GABRB3: variants seen among roughly 807,000 people sequenced by gnomAD.
GABRB3 encodes the protein gamma-aminobutyric acid type A receptor subunit beta3, also known as gamma-aminobutyric acid receptor subunit beta-3.
GABRB3 carries 14 observed loss-of-function variants against 52.1 expected under a neutral mutation model. The ratio of observed to expected loss-of-function variants is 0.27; its 90% CI spans 0.18 to 0.42. The LOEUF is 0.42. Ranked by LOEUF, GABRB3 falls within the 10% of genes least tolerant of loss-of-function variation. The pLI is 1.00. For missense variants in GABRB3, 307 were observed against 609.1 expected (o/e 0.50, Z 5.22); for synonymous variants, 260 against 232.3 (o/e 1.12, Z -1.08).
Position 26,568,513 on chromosome 15 carries a change from T to C in GABRB3, c.683-780A>G, listed in dbSNP as rs1890266881. On this transcript the variant is annotated intron_variant, in intron 6 of 8. Coordinates refer to ENST00000311550, the MANE Select transcript of GABRB3 (RefSeq NM_000814.6). Reference sequence around the variant, plus strand: ...TTGTTTTCCTTTCTTTTTTTTTTTTTTTGAGATGGAGTCTCGCTCTGTCAC... The same window carrying C: ...TTGTTTTCCTTTCTTTTTTTTTTTTCTTGAGATGGAGTCTCGCTCTGTCAC... Among the ~76,000 whole-genome samples, 5 of 143,336 alleles carry C rather than the reference T, an allele frequency of 3.5e-5. No individual in the cohort carries two copies. The South Asian group carries it at 1.1e-3, about 33-fold the overall frequency. 94.0% of individuals were successfully genotyped at this position (143,336 alleles called of 152,430 possible). A position where few individuals can be genotyped will look rare whatever the true frequency, so the allele number is the denominator to read the frequency against.
intron 4 of GABRB3, among the ~76,000 whole-genome samples, chr15:26,603,969 G>A (rs572800139): frequency 6.6e-6 from 1 of 152,062 alleles, no homozygotes; most frequent in African/African-American, 2.4e-5. Context: ...AATTAGAAAG[G>A]AAGAAGTCAA....
At chr15:26,648,468 G>C (rs2140584552) in intron 3 of GABRB3, among the ~76,000 whole-genome samples, 1 of 152,312 alleles carries the variant, frequency 6.6e-6, no homozygotes, top group African/African-American at 2.4e-5. Context: ...AATAAGTGGA[G>C]GTTTTGGCAT....
At chr15:26,770,471 T>C (rs1157161141) in intron 3 of GABRB3, among the ~76,000 whole-genome samples, 7 of 152,242 alleles carry the variant, frequency 4.6e-5, no homozygotes, top group South Asian at 2.1e-4. Flanking sequence ...CTTCAAATCA[T>C]AGACTACAAA....
intron 3 of GABRB3, among the ~76,000 whole-genome samples, chr15:26,696,910 A>G (rs921987676): frequency 2.0e-4 from 31 of 152,328 alleles, no homozygotes; most frequent in African/African-American, 7.0e-4. Flanking sequence ...ACATTGCAAT[A>G]TTGCACCCCG....
At chr15:26,663,243 G>A (rs897568584) in intron 3 of GABRB3, among the ~76,000 whole-genome samples, 8 of 152,130 alleles carry the variant, frequency 5.3e-5, no homozygotes, top group Non-Finnish European at 8.8e-5. Context: ...AATGACTGAC[G>A]TATTCAACTT....
At chr15:26,756,279 T>C (rs1235473834) in intron 3 of GABRB3, among the ~76,000 whole-genome samples, 2 of 151,626 alleles carry the variant, frequency 1.3e-5, no homozygotes, top group African/African-American at 2.4e-5. Flanking sequence ...AATTTAAATA[T>C]ACAGAACAGG....
intron 4 of GABRB3, among the ~76,000 whole-genome samples, chr15:26,616,275 A>C (rs1892253467): frequency 6.6e-6 from 1 of 152,204 alleles, no homozygotes; most frequent in African/African-American, 2.4e-5. Flanking sequence ...ATGGTACTGA[A>C]GTTTATATAG....
At chr15:26,568,837 G>A (rs1276689003) in intron 6 of GABRB3, among the ~76,000 whole-genome samples, 4 of 151,964 alleles carry the variant, frequency 2.6e-5, no homozygotes, top group African/African-American at 9.7e-5. Flanking sequence ...CTTAGAGCAA[G>A]GCAAGTGTGG....
intron 5 of GABRB3, among the ~76,000 whole-genome samples, chr15:26,581,729 C>T (rs1020925067): frequency 1.3e-5 from 2 of 152,180 alleles, no homozygotes; most frequent in African/African-American, 4.8e-5. Context: ...TGCATCTTGG[C>T]TGAAATAAAA....
chr15:26,640,470 T>C (rs1465531631), intron 3 of GABRB3, among the ~76,000 whole-genome samples: 1 of 151,836 alleles, frequency 6.6e-6, no homozygotes, highest in East Asian at 1.9e-4. Context: ...TGAGCCGAGA[T>C]CACGCCACTG....
At chr15:26,598,917 G>A (rs1891488444) in intron 4 of GABRB3, among the ~76,000 whole-genome samples, 1 of 152,164 alleles carries the variant, frequency 6.6e-6, no homozygotes, top group South Asian at 2.1e-4. Context: ...GAAACAGAGT[G>A]GGAAGTTTAA....
At chr15:26,681,181 G>T (rs1480808410) in intron 3 of GABRB3, among the ~76,000 whole-genome samples, 4 of 152,056 alleles carry the variant, frequency 2.6e-5, no homozygotes, top group Admixed American at 2.6e-4. Context: ...ATTAGAAATG[G>T]ATGCGATCAT....
intron 4 of GABRB3, among the ~76,000 whole-genome samples, chr15:26,610,112 T>C (rs12900150): frequency 0.49 from 74,877 of 152,078 alleles, 19,569 homozygotes; most frequent in Non-Finnish European, 0.59. Context: ...TGTTGACCAA[T>C]TCCTCTTCCT....
chr15:26,734,023 C>CTTT (rs61468831), intron 3 of GABRB3, among the ~76,000 whole-genome samples: 56 of 73,378 alleles, frequency 7.6e-4, no homozygotes, highest in Non-Finnish European at 9.4e-4. Flanking sequence ...AACTATAGGG[C>CTTT]TTTTTTTTTT....
intron 3 of GABRB3, among the ~76,000 whole-genome samples, chr15:26,670,585 C>T (rs566289187): frequency 9.3e-4 from 141 of 152,294 alleles, no homozygotes; most frequent in African/African-American, 3.3e-3. Flanking sequence ...GAGCCCGCTC[C>T]GGCCGGGCTT....
chr15:26,748,564 G>C (rs941053675), intron 3 of GABRB3, among the ~76,000 whole-genome samples: 4 of 152,098 alleles, frequency 2.6e-5, no homozygotes, highest in Non-Finnish European at 4.4e-5. Context: ...GATAGCTTCT[G>C]TTTCATTCCT....
intron 3 of GABRB3, among the ~76,000 whole-genome samples, chr15:26,710,650 C>T (rs903787838): frequency 1.3e-5 from 2 of 152,170 alleles, no homozygotes; most frequent in African/African-American, 4.8e-5. Flanking sequence ...AGAGTGTCTA[C>T]CATTTTATAT....
Position 26,567,630 on chromosome 15 carries a change from C to G in GABRB3, c.786G>C (p.Trp262Cys). 6.2e-7 allele frequency: 1 copy of G among 1,614,060 alleles called. No homozygotes were observed. Among genetic ancestry groups the G allele is most frequent in the Non-Finnish European group, 8.5e-7 (1 of 1,180,012 alleles). Residue 262 changes from tryptophan (W) to cysteine (C), a missense_variant, in exon 7 of 9, where the codon TGG (tryptophan) becomes TGC (cysteine). Physicochemically the swap from Trp to Cys is radical, Grantham distance 215. Coordinates refer to ENST00000311550, the MANE Select transcript of GABRB3 (RefSeq NM_000814.6). The stretch of plus-strand genomic sequence containing the variant: ...CATCATAATTGATCCAGAAGGACAC[C>G]CACGACAGAATCGTTATCAGTATAG... ...MPSILITILSWVSFWINYDAS... is the reference protein window; with the variant it reads ...MPSILITILSCVSFWINYDAS...
In GABRB3 at chr15:26,623,088, C is replaced by T. The variant is rs139538314; in HGVS notation, c.241-1554G>A. On this transcript the variant is annotated intron_variant, in intron 3 of 8. Coordinates refer to ENST00000311550, the MANE Select transcript of GABRB3 (RefSeq NM_000814.6). Reference sequence around the variant, plus strand: ...ACCACCACCACCAATTAAAGATTCTCGCAGAGCAGGTGACACTAAAGATAA... The same window carrying T: ...ACCACCACCACCAATTAAAGATTCTTGCAGAGCAGGTGACACTAAAGATAA... 5.5e-3 allele frequency among the ~76,000 whole-genome samples: 836 copies of T among 152,234 alleles called. 6 individuals carry two copies. Among genetic ancestry groups the T allele is most frequent in the African/African-American group, 0.019 (780 of 41,528 alleles).
Sources: allele counts gnomAD v4.1 joint callset (sites outside exome capture counted in the v4.1 genomes callset), GRCh38; gene constraint gnomAD v4.1.1; transcripts MANE v1.5; gene names NCBI Gene and HGNC (gene_info 2026-07-23, HGNC 2026-07-21).